Variants in DPP10 observed in about 807,000 individuals in gnomAD.
DPP10 encodes dipeptidyl peptidase like 10, also known as inactive dipeptidyl peptidase 10.
In DPP10, 33 loss-of-function variants were observed where a neutral mutation model predicts 120.9. That is an observed-to-expected ratio of 0.27 (90% CI 0.21 to 0.37). The LOEUF (loss-of-function observed/expected upper bound fraction) is 0.37, where lower values mean the gene tolerates loss of function less well. Ranked by LOEUF, DPP10 falls within the 10% of genes least tolerant of loss-of-function variation. The probability of loss-of-function intolerance (pLI) is 1.00; values close to 1 mark genes in which losing one functional copy is unlikely to be tolerated. For synonymous variants in DPP10, 337 were observed against 326.1 expected (o/e 1.03, Z -0.36); for missense variants, 816 against 942.8 (o/e 0.87, Z 1.76).
chr2:115,305,923 A>G (rs951156731), intron 1 of DPP10, among the ~76,000 whole-genome samples: 2 of 152,072 alleles, frequency 1.3e-5, no homozygotes, highest in Non-Finnish European at 2.9e-5. Flanking sequence ...TCATGACATA[A>G]TGAATGATGA....
intron 1 of DPP10, among the ~76,000 whole-genome samples, chr2:114,998,359 T>C (rs757513804): frequency 6.6e-6 from 1 of 152,304 alleles, no homozygotes; most frequent in South Asian, 2.1e-4. Context: ...ACATATTGCT[T>C]CAAACTCTTA....
intron 1 of DPP10, among the ~76,000 whole-genome samples, chr2:114,706,492 C>T (rs749992655): frequency 3.3e-5 from 5 of 152,138 alleles, no homozygotes; most frequent in Non-Finnish European, 4.4e-5. Flanking sequence ...TAACACTTGG[C>T]ATTTTTTGAC....
At chr2:114,640,874 G>A (rs1371287685) in intron 1 of DPP10, among the ~76,000 whole-genome samples, 1 of 151,868 alleles carries the variant, frequency 6.6e-6, no homozygotes, top group East Asian at 1.9e-4. Context: ...GGGGAAGGAG[G>A]TTTCCCTCGG....
At position 115,333,378 on chromosome 2, in the gene DPP10, A is replaced by G. The variant is rs189340426; in HGVS notation, c.176-10439A>G. On this transcript the variant is annotated intron_variant, in intron 2 of 25. Coordinates refer to ENST00000410059, the MANE Select transcript of DPP10 (RefSeq NM_020868.6). ...CTGATGTGTCTTGTCTCTTTATCCA[A>G]TTTGCCAGTCTGTGTCTTTTAATTG... 1.7e-3 allele frequency among the ~76,000 whole-genome samples: 258 copies of G among 152,014 alleles called. 2 individuals carry two copies. The highest frequency in any genetic ancestry group is 5.9e-3 in the African/African-American group (246 of 41,482).
At chr2:115,711,406 T>C (rs6721149) in intron 7 of DPP10, among the ~76,000 whole-genome samples, 107,570 of 151,998 alleles carry the variant, frequency 0.71, 39,835 homozygotes, top group East Asian at 0.93. Context: ...TGGCTACGTA[T>C]TTGCAGAGAT....
rs575760737 is a variant in DPP10 at position 114,857,146 on chromosome 2, C to T, written c.60+414308C>T. ...TCCAAATCCTATCATTTTTCCTTCCCGGCCTCATTGTTAATAGACATGAAT... is the reference window on the plus strand; with the variant it reads ...TCCAAATCCTATCATTTTTCCTTCCTGGCCTCATTGTTAATAGACATGAAT... On this transcript the variant is annotated intron_variant, in intron 1 of 25. Transcript: ENST00000410059. Among the ~76,000 whole-genome samples, 5 of 152,198 alleles carry T rather than the reference C, an allele frequency of 3.3e-5. No homozygotes were observed. In the South Asian group the frequency reaches 6.2e-4, roughly 19 times the overall value.
chr2:114,618,571 G>A (rs1196631681), intron 1 of DPP10, among the ~76,000 whole-genome samples: 3 of 151,752 alleles, frequency 2.0e-5, no homozygotes, highest in Non-Finnish European at 2.9e-5. Flanking sequence ...GTGGGGAGGC[G>A]GTGCTTTTGA....
intron 1 of DPP10, among the ~76,000 whole-genome samples, chr2:114,674,069 T>A (rs1698516752): frequency 6.6e-6 from 1 of 152,072 alleles, no homozygotes; most frequent in African/African-American, 2.4e-5. Flanking sequence ...ATAATTAAAG[T>A]TAGTTATGAG....
rs372086962 is a variant in DPP10 at position 114,556,234 on chromosome 2, C to T, written c.60+113396C>T. ...GAGAAACAGTGATACATAGATGATA[C>T]ATATATATATATATATATATATATA... is the stretch of plus-strand genomic sequence containing the variant. On this transcript the variant is annotated intron_variant, in intron 1 of 25. Transcript: ENST00000410059. Among the ~76,000 whole-genome samples, 63 of 86,946 alleles carry T rather than the reference C, an allele frequency of 7.2e-4. 1 individual carries two copies. The highest frequency in any genetic ancestry group is 3.2e-3 in the East Asian group (8 of 2,516). The allele number at this position is 86,946 out of a possible 152,430, so 57.0% of individuals were successfully genotyped here.
intron 1 of DPP10, among the ~76,000 whole-genome samples, chr2:115,185,947 A>G (rs571577803): frequency 1.9e-4 from 29 of 152,366 alleles, no homozygotes; most frequent in African/African-American, 6.5e-4. Context: ...ACCTTCAAAG[A>G]TAAAGCTGAT....
At chr2:114,775,824 A>G (rs938196735) in intron 1 of DPP10, among the ~76,000 whole-genome samples, 2 of 152,216 alleles carry the variant, frequency 1.3e-5, no homozygotes, top group Admixed American at 1.3e-4. Flanking sequence ...AGTATCTCCA[A>G]TGAATCATGT....
chr2:115,607,093 C>T (rs1401359277), intron 5 of DPP10, among the ~76,000 whole-genome samples: 1 of 152,042 alleles, frequency 6.6e-6, no homozygotes, highest in Non-Finnish European at 1.5e-5. Context: ...AAACTAAAGC[C>T]TAATAGTTGA....
chr2:115,503,257 T>G (rs1380433404), intron 4 of DPP10, among the ~76,000 whole-genome samples: 1 of 152,134 alleles, frequency 6.6e-6, no homozygotes, highest in African/African-American at 2.4e-5. Context: ...CCAAGGAAGA[T>G]TCATTGATTT....
intron 1 of DPP10, among the ~76,000 whole-genome samples, chr2:114,737,026 C>T (rs1378299260): frequency 2.0e-5 from 3 of 151,980 alleles, no homozygotes; most frequent in Non-Finnish European, 4.4e-5. Context: ...CGGTATTATC[C>T]AAGACAATAG....
chr2:114,769,390 T>G (rs1681044222), intron 1 of DPP10, among the ~76,000 whole-genome samples: 1 of 152,124 alleles, frequency 6.6e-6, no homozygotes, highest in Non-Finnish European at 1.5e-5. Context: ...CGCAAGCTAG[T>G]GGTGGTGTGA....
At chr2:114,919,974 T>C (rs2106636300) in intron 1 of DPP10, among the ~76,000 whole-genome samples, 1 of 152,250 alleles carries the variant, frequency 6.6e-6, no homozygotes, top group Non-Finnish European at 1.5e-5. Context: ...AGAGGCTTCT[T>C]TCATAGAAGG....
intron 5 of DPP10, among the ~76,000 whole-genome samples, chr2:115,645,758 A>G (rs2087192821): frequency 6.6e-6 from 1 of 152,170 alleles, no homozygotes; most frequent in Non-Finnish European, 1.5e-5. Context: ...GCTATGTTCC[A>G]ATATTAAAAA....
At chr2:115,303,664 T>C (rs2105990097) in intron 1 of DPP10, among the ~76,000 whole-genome samples, 1 of 152,078 alleles carries the variant, frequency 6.6e-6, no homozygotes, top group Admixed American at 6.6e-5. Context: ...ACCTTTATTT[T>C]TTTTAACCTT....
In DPP10 at chr2:114,899,431, A is replaced by G. The variant is rs142419709; in HGVS notation, c.61-409808A>G. ...AATTTAACAACAGTACCAGCACCTC[A>G]GAAGCCCTCCATGTGCCCCTTCTCA... is the stretch of plus-strand genomic sequence containing the variant. On this transcript the variant is annotated intron_variant, in intron 1 of 25. Coordinates refer to ENST00000410059, the MANE Select transcript of DPP10 (RefSeq NM_020868.6). Among the ~76,000 whole-genome samples, 106 of 152,252 alleles carry G rather than the reference A, an allele frequency of 7.0e-4. 1 individual carries two copies. In the East Asian group the frequency reaches 0.02, roughly 28 times the overall value.
Sources: allele counts gnomAD v4.1 joint callset (sites outside exome capture counted in the v4.1 genomes callset), GRCh38; gene constraint gnomAD v4.1.1; transcripts MANE v1.5; gene names NCBI Gene and HGNC (gene_info 2026-07-23, HGNC 2026-07-21).